The following PPP1R12B variants were observed in gnomAD, a reference collection of about 807,000 sequenced individuals.
PPP1R12B encodes protein phosphatase 1 regulatory subunit 12B.
In PPP1R12B, 76 loss-of-function variants were observed where a neutral mutation model predicts 126.1. That is an observed-to-expected ratio of 0.60 (90% CI 0.50 to 0.73). The LOEUF is 0.73. Ranked by LOEUF, PPP1R12B falls within the 30% of genes least tolerant of loss-of-function variation. The pLI is 0.00. For synonymous variants in PPP1R12B, 356 were observed against 434.7 expected (o/e 0.82, Z 2.25); for missense variants, 1,052 against 1,205.1 (o/e 0.87, Z 1.88).
At chr1:202,433,787 CT>C (rs1212825675) in intron 8 of PPP1R12B, among the ~76,000 whole-genome samples, 1 of 152,176 alleles carries the variant, frequency 6.6e-6, no homozygotes, top group Non-Finnish European at 1.5e-5. Context: ...CCTCACTGTT[CT>C]TCTACCCCAC....
At chr1:202,511,668 A>G (rs1278051723) in intron 18 of PPP1R12B, among the ~76,000 whole-genome samples, 1 of 152,052 alleles carries the variant, frequency 6.6e-6, no homozygotes, top group Non-Finnish European at 1.5e-5. Flanking sequence ...CTGAGTTATT[A>G]CACTTAGAAT....
At chr1:202,396,206 A>G (rs560251030) in intron 1 of PPP1R12B, among the ~76,000 whole-genome samples, 150 of 152,258 alleles carry the variant, frequency 9.9e-4, no homozygotes, top group African/African-American at 3.5e-3. Context: ...AGTGCCCTAT[A>G]GGTTGTTACA....
At chr1:202,374,007 A>C (rs1051178651) in intron 1 of PPP1R12B, among the ~76,000 whole-genome samples, 3 of 152,196 alleles carry the variant, frequency 2.0e-5, no homozygotes, top group African/African-American at 7.2e-5. Flanking sequence ...TAACCCTGGG[A>C]AATTTAAAAG....
chr1:202,538,852 A>G (rs574715589), intron 18 of PPP1R12B, among the ~76,000 whole-genome samples: 5 of 152,148 alleles, frequency 3.3e-5, no homozygotes, highest in Admixed American at 6.5e-5. Context: ...TTGCAATTGC[A>G]CTACTGTCTG....
chr1:202,580,597 C>T lies in PPP1R12B; in HGVS notation c.*37C>T. 2 of 1,528,820 alleles carry T rather than the reference C, an allele frequency of 1.3e-6. No homozygotes were observed. Among genetic ancestry groups the T allele is most frequent in the Non-Finnish European group, 1.8e-6 (2 of 1,102,462 alleles). 94.7% of individuals were successfully genotyped at this position (1,528,820 alleles called of 1,614,324 possible). On this transcript the variant is annotated 3_prime_UTR_variant, in exon 24 of 24. Coordinates refer to ENST00000608999, the MANE Select transcript of PPP1R12B (RefSeq NM_002481.4). ...GATTTATGAGGAAAGAAAGGGACAG[C>T]ATTTGCTGCCCCCACCCCTCTTTTC... is the stretch of plus-strand genomic sequence containing the variant.
In PPP1R12B at chr1:202,383,184, C is replaced by T. The variant is rs1662619145; in HGVS notation, c.292-33603C>T. ...TATGAGGAAGCCCTAATGCTTTTTACAATCCCATCTTATTAAATTAAGAAG... is the reference window on the plus strand; with the variant it reads ...TATGAGGAAGCCCTAATGCTTTTTATAATCCCATCTTATTAAATTAAGAAG... On this transcript the variant is annotated intron_variant, in intron 1 of 23. Coordinates refer to ENST00000608999, the MANE Select transcript of PPP1R12B (RefSeq NM_002481.4). Among the ~76,000 whole-genome samples, 2 of 152,156 alleles carry T rather than the reference C, an allele frequency of 1.3e-5. 1 individual carries two copies. The highest frequency in any genetic ancestry group is 2.9e-5 in the Non-Finnish European group (2 of 68,026).
chr1:202,488,419 C>A, intron 13 of PPP1R12B, 114 bp from the exon 14 acceptor site: 2 of 801,600 alleles, frequency 2.5e-6, no homozygotes, highest in Non-Finnish European at 1.9e-6. Context: ...TTTGACTTTG[C>A]TTAAGTTCAT....
At chr1:202,441,786 T>A (rs1011352915) in intron 11 of PPP1R12B, among the ~76,000 whole-genome samples, 94 of 152,250 alleles carry the variant, frequency 6.2e-4, no homozygotes, top group African/African-American at 2.1e-3. Flanking sequence ...CTTCTTCATC[T>A]TCCCCCATCA....
chr1:202,560,820 TA>T (rs1359033994), intron 19 of PPP1R12B, among the ~76,000 whole-genome samples: 1 of 152,082 alleles, frequency 6.6e-6, no homozygotes, highest in Non-Finnish European at 1.5e-5. Flanking sequence ...TTTAATTATA[TA>T]AAATTTAAAA....
chr1:202,414,499 T>C (rs991499978), intron 1 of PPP1R12B, among the ~76,000 whole-genome samples: 1 of 152,216 alleles, frequency 6.6e-6, no homozygotes, highest in Non-Finnish European at 1.5e-5. Flanking sequence ...AAATCAGATT[T>C]GTTGATAGTC....
chr1:202,415,554 T>C (rs1189238411), intron 1 of PPP1R12B, among the ~76,000 whole-genome samples: 1 of 152,232 alleles, frequency 6.6e-6, no homozygotes, highest in African/African-American at 2.4e-5. Flanking sequence ...GCCTTGGTAA[T>C]GGTTATCATT....
intron 18 of PPP1R12B, among the ~76,000 whole-genome samples, chr1:202,538,971 C>T (rs1300620587): frequency 6.6e-6 from 1 of 152,114 alleles, no homozygotes; most frequent in Non-Finnish European, 1.5e-5. Context: ...AAGCTTTATA[C>T]TTACAGATCC....
intron 18 of PPP1R12B, among the ~76,000 whole-genome samples, chr1:202,504,084 A>G (rs1333050652): frequency 6.6e-6 from 1 of 152,176 alleles, no homozygotes; most frequent in Non-Finnish European, 1.5e-5. Flanking sequence ...AATAAATGTC[A>G]CTTCAATTTC....
chr1:202,472,041 T>C lies in PPP1R12B; in HGVS notation c.1851-16492T>C. The C allele has an allele frequency of 1.9e-6, 3 of 1,594,544 alleles. No individual in the cohort carries two copies. In the South Asian group the frequency reaches 3.3e-5, roughly 18 times the overall value. ...ATCCATGAAGTAGGAATTGGGGCTC[T>C]GCACCAGGCGTTTCTTCTTGTGTTT... On this transcript the variant is annotated intron_variant, in intron 13 of 23. Coordinates refer to ENST00000608999, the MANE Select transcript of PPP1R12B (RefSeq NM_002481.4).
In PPP1R12B at chr1:202,468,529, C is replaced by T. The variant is rs530378523; in HGVS notation, c.1850+19358C>T. On this transcript the variant is annotated intron_variant, in intron 13 of 23. Coordinates refer to ENST00000608999, the MANE Select transcript of PPP1R12B (RefSeq NM_002481.4). ...CTTGCAACATTTTATTCCTGATACT[C>T]CTCAGATTTCCTCTCCAGAGCTATC... Among the ~76,000 whole-genome samples the T allele has an allele frequency of 2.0e-3, 304 of 152,296 alleles. 1 individual carries two copies. Among genetic ancestry groups the T allele is most frequent in the Non-Finnish European group, 2.9e-3 (199 of 68,022 alleles).
intron 23 of PPP1R12B, among the ~76,000 whole-genome samples, chr1:202,574,109 A>T (rs1345330497): frequency 6.6e-6 from 1 of 151,564 alleles, no homozygotes; most frequent in Non-Finnish European, 1.5e-5. Flanking sequence ...CAGAGAGCTG[A>T]CAGTTCTTTC....
chr1:202,468,244 C>T (rs2148780327), intron 13 of PPP1R12B, among the ~76,000 whole-genome samples: 1 of 152,288 alleles, frequency 6.6e-6, no homozygotes, highest in Non-Finnish European at 1.5e-5. Flanking sequence ...TCCCATTTGT[C>T]AATTTTGGCT....
At chr1:202,544,694 GT>G (rs1369553080) in intron 18 of PPP1R12B, among the ~76,000 whole-genome samples, 21 of 152,060 alleles carry the variant, frequency 1.4e-4, no homozygotes, top group African/African-American at 5.1e-4. Context: ...TATTCCTTCA[GT>G]TCTAACATGT....
chr1:202,545,796 G>A (rs1685592479), intron 18 of PPP1R12B, among the ~76,000 whole-genome samples: 1 of 152,208 alleles, frequency 6.6e-6, no homozygotes, highest in Non-Finnish European at 1.5e-5. Flanking sequence ...GAAGGAAACA[G>A]TACATTACAA....
Sources: gnomAD v4.1 joint callset for allele counts (sites outside exome capture counted in the v4.1 genomes callset) on GRCh38, gnomAD v4.1.1 for gene constraint, MANE v1.5 for transcripts, NCBI Gene and HGNC (gene_info 2026-07-23, HGNC 2026-07-21) for gene names.